CUL7: variants seen among roughly 807,000 people sequenced by gnomAD.
CUL7 encodes the protein cullin-7.
Under a neutral mutation model 177.7 loss-of-function variants are expected in CUL7, and 96 were observed. That is an observed-to-expected ratio of 0.54 (90% CI 0.46 to 0.64). The LOEUF is 0.64. CUL7 is among the 30% of genes least tolerant of loss of function. The pLI is 0.00. For synonymous variants in CUL7, 824 were observed against 890.2 expected, an observed-to-expected ratio of 0.93 and a Z score of 1.32; for missense variants, 1,893 against 2,187.9, an observed-to-expected ratio of 0.87 and a Z score of 2.69.
In CUL7 at chr6:43,043,260, G is replaced by A. The variant is rs1581921881; in HGVS notation, c.3356-80C>T. ...AAGTCCCCATCCAAGGGGGTTCCCT[G>A]AGGCCTTTCCTGACATGCTGCCACC... On this transcript the variant is annotated intron_variant, in intron 17 of 25. Coordinates refer to ENST00000265348, the MANE Select transcript of CUL7 (RefSeq NM_014780.5). The surrounding 1 kb of genome is among the most constrained non-coding windows in gnomAD (Gnocchi z 4.2). 3 of 1,316,444 alleles carry A rather than the reference G, an allele frequency of 2.3e-6. No individual in the cohort carries two copies. Among genetic ancestry groups the A allele is most frequent in the Middle Eastern group, 2.3e-4 (1 of 4,432 alleles). The allele number at this position is 1,316,444 out of a possible 1,614,324, so 81.5% of individuals were successfully genotyped here. A position where few individuals can be genotyped will look rare whatever the true frequency, so the allele number is the denominator to read the frequency against.
Position 43,045,535 on chromosome 6 carries a change from ATGGGGCTC to A in CUL7, c.2862+44_2862+51del. ...CCTCTGGCTTAAGATCTGCCTGTTT[ATGGGGCTC>A]AGAGCCCCCTACCCAGGGCCACACC... On this transcript the variant is annotated intron_variant, in intron 14 of 25. Transcript: ENST00000265348. The surrounding 1 kb of genome is among the most constrained non-coding windows in gnomAD (Gnocchi z 4.8). 1.2e-6 allele frequency: 2 copies of A among 1,613,410 alleles called. No individual in the cohort carries two copies. Among genetic ancestry groups the A allele is most frequent in the South Asian group, 2.2e-5 (2 of 91,054 alleles).
chr6:43,053,615 TG>T lies in CUL7; in HGVS notation c.-9+6del. ...GAAGCAAGGGGCCGCGGTGGGGCTCTGGCCACCTCAGAAGTCCACCGGGGTC... is the reference window on the plus strand; with the variant it reads ...GAAGCAAGGGGCCGCGGTGGGGCTCTGCCACCTCAGAAGTCCACCGGGGTC... On this transcript the variant is annotated splice_donor_region_variant and intron_variant, in intron 1 of 25. Transcript: ENST00000265348. This position sits in a 1 kb window ranked among gnomAD's most constrained non-coding sequence, Gnocchi z 4.1. 1 of 1,360,098 alleles carries T rather than the reference TG, an allele frequency of 7.4e-7. No individual in the cohort carries two copies. The allele number at this position is 1,360,098 out of a possible 1,614,324, so 84.3% of individuals were successfully genotyped here.
chr6:43,047,834 A>C (rs1254023016), intron 9 of CUL7: 1 of 377,930 alleles, frequency 2.6e-6, no homozygotes, highest in Non-Finnish European at 4.8e-6. Flanking sequence ...ATATTTGCAT[A>C]AGGGAACACG....
At chr6:43,038,158 G>T in intron 25 of CUL7, 109 bp downstream of exon 25, 1 of 1,492,504 alleles carries the variant, frequency 6.7e-7, no homozygotes, top group East Asian at 2.4e-5. Context: ...ACTCCTACAG[G>T]CTACACAGTG....
In CUL7 at chr6:43,037,725, G is replaced by A; in HGVS notation, c.5060C>T (p.Ser1687Phe). The A allele has an allele frequency of 1.3e-6, 2 of 1,564,748 alleles. No homozygotes were observed. Among genetic ancestry groups the A allele is most frequent in the Non-Finnish European group, 1.7e-6 (2 of 1,154,284 alleles). The stretch of plus-strand genomic sequence containing the variant: ...AGAGAAGCTCTGGGTGGCAGTGCAG[G>A]AGGCATAGGGCACACCCCGGGAGCG... ...QIRSRGVPYA[S>F]CTATQSFSTF... The change falls in exon 26 of 26, where the codon TCC (serine) becomes TTC (phenylalanine). Residue 1687 changes from serine to phenylalanine, a missense_variant. By Grantham distance (155) the Ser-to-Phe change is radical (BLOSUM62 -2). Coordinates refer to ENST00000265348, the MANE Select transcript of CUL7 (RefSeq NM_014780.5).
rs755779294 is a variant in CUL7 at position 43,046,225 on chromosome 6, G to C, written c.2660+11C>G. 2.5e-6 allele frequency: 4 copies of C among 1,614,236 alleles called. No individual in the cohort carries two copies. The Admixed American group carries it at 5.0e-5, about 20-fold the overall frequency. ...CACGTGTGTGGCAAAGCACATGTGT[G>C]GGAGAGTTACCTGATGAGGATGCCC... is the stretch of plus-strand genomic sequence containing the variant. On this transcript the variant is annotated intron_variant, in intron 12 of 25. Transcript: ENST00000265348.
In CUL7 at chr6:43,045,274, G is replaced by A. The variant is rs1477439478; in HGVS notation, c.2991C>T (p.Ser997=). 6.2e-7 allele frequency: 1 copy of A among 1,614,168 alleles called. No individual in the cohort carries two copies. Among genetic ancestry groups the A allele is most frequent in the Non-Finnish European group, 8.5e-7 (1 of 1,180,032 alleles). The part of the protein sequence containing the change: ...LFYMVRAQAW[S]QDMAEDRRSL... Reference sequence around the variant, plus strand: ...TCCTGCGGTCCTCTGCCATGTCCTGGCTCCAGGCCTGTGCCCGAACCATGT... The same window carrying A: ...TCCTGCGGTCCTCTGCCATGTCCTGACTCCAGGCCTGTGCCCGAACCATGT... Residue 997 remains serine (S), a synonymous_variant, in exon 15 of 26, where the codon AGC becomes AGT. Transcript: ENST00000265348. This position sits in a 1 kb window ranked among gnomAD's most constrained non-coding sequence, Gnocchi z 4.8.
At chr6:43,048,868 C>G (rs1413807547) in intron 7 of CUL7, among the ~76,000 whole-genome samples, 1 of 151,604 alleles carries the variant, frequency 6.6e-6, no homozygotes, top group East Asian at 1.9e-4. Context: ...CCTGGGTTCA[C>G]GCCATTCTCC....
rs1764577544 is a variant in CUL7, at chr6:43,053,157, G to T, written c.-8-361C>A. Among the ~76,000 whole-genome samples, 1 of 152,216 alleles carries T rather than the reference G, an allele frequency of 6.6e-6. No homozygotes were observed. Among genetic ancestry groups the T allele is most frequent in the South Asian group, 2.1e-4 (1 of 4,824 alleles). Reference sequence around the variant, plus strand: ...CAACCTATGGGGTATGTGAAGCCCAGAGGGGTATGTTTGGGAGGGAGATCG... The same window carrying T: ...CAACCTATGGGGTATGTGAAGCCCATAGGGGTATGTTTGGGAGGGAGATCG... On this transcript the variant is annotated intron_variant, in intron 1 of 25. Transcript: ENST00000265348. The surrounding 1 kb of genome is among the most constrained non-coding windows in gnomAD (Gnocchi z 4.1).
chr6:43,046,292 G>A lies in CUL7; in HGVS notation c.2604C>T (p.Asn868=), dbSNP rs553448886. 8.1e-6 allele frequency: 13 copies of A among 1,614,206 alleles called. No homozygotes were observed. The highest frequency in any genetic ancestry group is 5.3e-5 in the African/African-American group (4 of 75,050). ...TGATGTAGTGGGAGCCGGCGCTGCC[G>A]TTGGACTCCCAATAGGTCTTGGGGT... ...DHNPKTYWES[N]GSAGSHYITL... Residue 868 remains asparagine, a synonymous_variant, in exon 12 of 26, where the codon AAC becomes AAT. Transcript: ENST00000265348.
At chr6:43,038,503 G>T (rs200996015) in intron 24 of CUL7, 31 bp from the exon 25 acceptor site, 1 of 1,613,780 alleles carries the variant, frequency 6.2e-7, no homozygotes, top group African/African-American at 1.3e-5. Context: ...TCACTCAGTG[G>T]AGAGCCCACG....
Position 43,050,622 on chromosome 6 carries a change from T to A in CUL7, c.1234-224A>T, listed in dbSNP as rs1764317761. 6.8e-6 allele frequency among the ~76,000 whole-genome samples: 1 copy of A among 147,818 alleles called. No homozygotes were observed. Among genetic ancestry groups the A allele is most frequent in the South Asian group, 2.2e-4 (1 of 4,638 alleles). On this transcript the variant is annotated intron_variant, in intron 4 of 25. Coordinates refer to ENST00000265348, the MANE Select transcript of CUL7 (RefSeq NM_014780.5). The surrounding 1 kb of genome is among the most constrained non-coding windows in gnomAD (Gnocchi z 4.1). The stretch of plus-strand genomic sequence containing the variant: ...CACACACACAGGATGCCTTCTCCTT[T>A]GGGGGATGGGCCTGTCTCTCCTCTC...
chr6:43,040,483 C>T lies in CUL7; in HGVS notation c.4023+47G>A. 1 of 1,612,900 alleles carries T rather than the reference C, an allele frequency of 6.2e-7. No individual in the cohort carries two copies. The highest frequency in any genetic ancestry group is 1.3e-5 in the African/African-American group (1 of 75,062). On this transcript the variant is annotated intron_variant, in intron 21 of 25. Transcript: ENST00000265348. This position sits in a 1 kb window ranked among gnomAD's most constrained non-coding sequence, Gnocchi z 4.2. ...GCCTCCTCCAGTCTGCTCCACGCCC[C>T]TCTTCCCCCTACCCTCTTATTTGCT...
At chr6:43,041,667 G>A (rs1763423226) in intron 19 of CUL7, among the ~76,000 whole-genome samples, 1 of 149,624 alleles carries the variant, frequency 6.7e-6, no homozygotes, top group African/African-American at 2.4e-5. Context: ...AGAGGGGAGG[G>A]AAGGGAAGGG....
Position 43,050,737 on chromosome 6 carries a change from A to G in CUL7, c.1233+231T>C, listed in dbSNP as rs901293136. ...CCCTGACCTTTGGAGGAGTCTGGCT[A>G]TATCAGTTTCTTCCCAGGTGTGAGT... On this transcript the variant is annotated intron_variant, in intron 4 of 25. Transcript: ENST00000265348. This position sits in a 1 kb window ranked among gnomAD's most constrained non-coding sequence, Gnocchi z 4.1. Among the ~76,000 whole-genome samples, 2 of 152,080 alleles carry G rather than the reference A, an allele frequency of 1.3e-5. No individual in the cohort carries two copies. Among genetic ancestry groups the G allele is most frequent in the East Asian group, 1.9e-4 (1 of 5,168 alleles).
chr6:43,046,966 C>T lies in CUL7; in HGVS notation c.2311G>A (p.Glu771Lys). 1 of 1,613,768 alleles carries T rather than the reference C, an allele frequency of 6.2e-7. No individual in the cohort carries two copies. Among genetic ancestry groups the T allele is most frequent in the East Asian group, 2.2e-5 (1 of 44,886 alleles). Reference sequence around the variant, plus strand: ...CACTTGAACACCATGTCCCGCAGCTCCTGAGCCAGCTCCAGCTTTCCCAGG... The same window carrying T: ...CACTTGAACACCATGTCCCGCAGCTTCTGAGCCAGCTCCAGCTTTCCCAGG... ...KHLGKLELAQ[E>K]LRDMVFKCEK... The change falls in exon 10 of 26, where the codon GAG (glutamate) becomes AAG (lysine). Residue 771 changes from glutamate (E) to lysine (K), a missense_variant. Glu to Lys is a moderately conservative substitution (Grantham distance 56). Around this residue, in one of 5 missense-constraint regions of CUL7, gnomAD observed 973 missense variants for 1,140.9 expected, o/e 0.85. Coordinates refer to ENST00000265348, the MANE Select transcript of CUL7 (RefSeq NM_014780.5).
chr6:43,049,326 T>C, intron 7 of CUL7, 81 bp downstream of exon 7: 1 of 1,585,768 alleles, frequency 6.3e-7, no homozygotes, highest in Non-Finnish European at 8.6e-7. Flanking sequence ...CAGAAAGGAT[T>C]GCATAAAAAT....
At position 43,044,541 on chromosome 6, in the gene CUL7, G is replaced by C. The variant is rs114838794; in HGVS notation, c.3172+211C>G. ...AATGATAAAGGGAGTGGGTAACAAG[G>C]CACCTCCAGCACTTATGGTGTCCCC... On this transcript the variant is annotated intron_variant, in intron 16 of 25. Transcript: ENST00000265348. Among the ~76,000 whole-genome samples the C allele has an allele frequency of 0.023, 3,517 of 152,028 alleles. 122 individuals are homozygous for C. Among genetic ancestry groups the C allele is most frequent in the African/African-American group, 0.08 (3,312 of 41,410 alleles).
rs1284068402 is a variant in CUL7 at position 43,037,896 on chromosome 6, C to T, written c.4889G>A (p.Gly1630Asp). ...GTCATGGCGTCTCAGCGTGCCCTTG[C>T]CCAGGAGGTGTAGGATGCAGGAGAG... ...DVLSCILHLLGKGTLRRHDDR... is the reference protein window; with the variant it reads ...DVLSCILHLLDKGTLRRHDDR... The change falls in exon 26 of 26, where the codon GGC (glycine) becomes GAC (aspartate). Residue 1630 changes from glycine (G) to aspartate (D), a missense_variant. Physicochemically the swap from Gly to Asp is moderately conservative, Grantham distance 94. Around this residue, in one of 5 missense-constraint regions of CUL7, gnomAD observed 248 missense variants for 262.5 expected, o/e 0.94. Transcript: ENST00000265348. 2 of 1,613,196 alleles carry T rather than the reference C, an allele frequency of 1.2e-6. No homozygotes were observed. The highest frequency in any genetic ancestry group is 2.7e-5 in the African/African-American group (2 of 74,876).
Sources: gnomAD v4.1 joint callset for allele counts (sites outside exome capture counted in the v4.1 genomes callset) on GRCh38, gnomAD v4.1.1 for gene constraint, gnomAD v4.1.1 regional missense constraint, Gnocchi (gnomAD v3.1) non-coding constraint, MANE v1.5 for transcripts, NCBI Gene and HGNC (gene_info 2026-07-23, HGNC 2026-07-21) for gene names.